IL1RAPL1: variants seen among roughly 807,000 people sequenced by gnomAD.
The protein encoded by IL1RAPL1 is interleukin 1 receptor accessory protein like 1.
In IL1RAPL1, 3 loss-of-function variants were observed where a neutral mutation model predicts 48.4. The ratio of observed to expected loss-of-function variants is 0.06; its 90% CI spans 0.03 to 0.16. The LOEUF is 0.16. Among genes scored for constraint, IL1RAPL1 ranks in the 10% least tolerant of loss-of-function variants. IL1RAPL1 has a pLI of 1.00. For synonymous variants in IL1RAPL1, 185 were observed against 187.7 expected, an observed-to-expected ratio of 0.99 and a Z score of 0.12; for missense variants, 349 against 530.6, an observed-to-expected ratio of 0.66 and a Z score of 3.36.
chrX:29,237,833 G>GGAGGAGAGGTGT (rs1931338041), intron 2 of IL1RAPL1, among the ~76,000 whole-genome samples: 1 of 112,173 alleles, frequency 8.9e-6, no homozygotes, highest in Non-Finnish European at 1.9e-5. Flanking sequence ...GAGTGTGGGA[G>GGAGGAGAGGTGT]GAGGAGAGGT....
At chrX:29,058,113 C>T (rs967008209) in intron 2 of IL1RAPL1, among the ~76,000 whole-genome samples, 1 of 110,969 alleles carries the variant, frequency 9.0e-6, no homozygotes, top group South Asian at 3.8e-4. Context: ...CAGTGGCTCA[C>T]GCTTATAATC....
intron 6 of IL1RAPL1, among the ~76,000 whole-genome samples, chrX:29,786,102 G>T (rs953195340): frequency 9.1e-6 from 1 of 109,969 alleles, no homozygotes; most frequent in Non-Finnish European, 1.9e-5. Context: ...ATAGAAACAG[G>T]AATGAATGGA....
At chrX:28,752,184 T>C (rs1336069291) in intron 1 of IL1RAPL1, among the ~76,000 whole-genome samples, 1 of 111,978 alleles carries the variant, frequency 8.9e-6, no homozygotes, top group Non-Finnish European at 1.9e-5. Flanking sequence ...TAACATTCTC[T>C]CCATTTTCTT....
intron 1 of IL1RAPL1, among the ~76,000 whole-genome samples, chrX:28,677,244 T>C (rs763747246): frequency 1.3e-3 from 140 of 111,883 alleles, no homozygotes; most frequent in Non-Finnish European, 2.4e-3. Context: ...TTTAAAGATC[T>C]TTATGTTTTG....
intron 2 of IL1RAPL1, among the ~76,000 whole-genome samples, chrX:28,801,801 G>A (rs991859895): frequency 8.9e-6 from 1 of 112,107 alleles, no homozygotes; most frequent in African/African-American, 3.2e-5. Flanking sequence ...GAGCCTTGTT[G>A]ATTGGGAACA....
intron 3 of IL1RAPL1, among the ~76,000 whole-genome samples, chrX:29,318,566 G>A (rs1932778701): frequency 8.9e-6 from 1 of 112,359 alleles, no homozygotes; most frequent in Non-Finnish European, 1.9e-5. Context: ...GGTAATCTAA[G>A]CAGACATAGA....
intron 5 of IL1RAPL1, among the ~76,000 whole-genome samples, chrX:29,605,728 T>C (rs1923870970): frequency 1.8e-5 from 2 of 112,380 alleles, no homozygotes; most frequent in Non-Finnish European, 3.8e-5. Context: ...TTATCCTTTT[T>C]ATATAAAGAC....
intron 1 of IL1RAPL1, among the ~76,000 whole-genome samples, chrX:28,621,206 C>T (rs1007042036): frequency 8.9e-6 from 1 of 112,221 alleles, no homozygotes; most frequent in African/African-American, 3.2e-5. Flanking sequence ...CGTAAAAGCT[C>T]GGACACTATC....
At chrX:29,935,717 A>G (rs1301624248) in intron 8 of IL1RAPL1, among the ~76,000 whole-genome samples, 5 of 111,609 alleles carry the variant, frequency 4.5e-5, no homozygotes, top group Admixed American at 9.5e-5. Flanking sequence ...TCATTAACAC[A>G]TAACAATGAA....
At chrX:28,852,912 T>C (rs1317395174) in intron 2 of IL1RAPL1, among the ~76,000 whole-genome samples, 1 of 110,560 alleles carries the variant, frequency 9.0e-6, no homozygotes, top group Non-Finnish European at 1.9e-5. Context: ...GATGTATAAA[T>C]AGCATTTAGC....
chrX:29,641,248 C>T (rs1177606766), intron 5 of IL1RAPL1, among the ~76,000 whole-genome samples: 2 of 112,794 alleles, frequency 1.8e-5, no homozygotes, highest in Admixed American at 9.3e-5. Context: ...AGGTTCAAAC[C>T]ACATCTGTAA....
chrX:29,210,866 A>C lies in IL1RAPL1; in HGVS notation c.83-72072A>C, dbSNP rs143494937. On this transcript the variant is annotated intron_variant, in intron 2 of 10. Transcript: ENST00000378993. ...CTCTGTAGAGAAAGTGTTTTTCTTC[A>C]GCTCTATATGAATACCAGATATTTA... is the stretch of plus-strand genomic sequence containing the variant. Among the ~76,000 whole-genome samples the C allele has an allele frequency of 1.0e-3, 114 of 112,305 alleles. No homozygotes were observed. In the East Asian group the frequency reaches 0.017, roughly 16 times the overall value.
chrX:29,890,272 G>A (rs1163522841), intron 6 of IL1RAPL1, among the ~76,000 whole-genome samples: 1 of 111,629 alleles, frequency 9.0e-6, no homozygotes, highest in African/African-American at 3.3e-5. Context: ...TAACTAAGAG[G>A]GAGGCCATAG....
chrX:29,457,810 C>G (rs999952180), intron 5 of IL1RAPL1, among the ~76,000 whole-genome samples: 1 of 112,484 alleles, frequency 8.9e-6, no homozygotes, highest in African/African-American at 3.2e-5. Context: ...TACATTCCCA[C>G]CAACAGTGTA....
intron 5 of IL1RAPL1, among the ~76,000 whole-genome samples, chrX:29,534,923 T>C (rs1921170968): frequency 1.9e-5 from 2 of 107,675 alleles, no homozygotes; most frequent in Admixed American, 9.9e-5. Flanking sequence ...GAGCCGAGAT[T>C]GTGCCACTGC....
intron 2 of IL1RAPL1, among the ~76,000 whole-genome samples, chrX:29,178,277 A>T (rs1280825093): frequency 2.7e-5 from 3 of 111,812 alleles, no homozygotes; most frequent in Admixed American, 9.5e-5. Flanking sequence ...CTTTTGAATG[A>T]TCACCATTCT....
chrX:29,588,534 G>C (rs1329529649), intron 5 of IL1RAPL1, among the ~76,000 whole-genome samples: 1 of 112,374 alleles, frequency 8.9e-6, no homozygotes, highest in East Asian at 2.8e-4. Flanking sequence ...TCAGTGGTAT[G>C]TGGATGTCAT....
intron 2 of IL1RAPL1, among the ~76,000 whole-genome samples, chrX:29,261,325 C>CA: frequency 9.0e-6 from 1 of 111,076 alleles, no homozygotes; most frequent in Middle Eastern, 4.6e-3. Flanking sequence ...AATTTGTAGG[C>CA]AAAAAATAAT....
At chrX:29,474,916 A>C (rs890646161) in intron 5 of IL1RAPL1, among the ~76,000 whole-genome samples, 1 of 111,506 alleles carries the variant, frequency 9.0e-6, no homozygotes, top group Non-Finnish European at 1.9e-5. Context: ...AGGAGAATAC[A>C]TAGAATTAAC....
Sources: gnomAD v4.1 joint callset for allele counts (sites outside exome capture counted in the v4.1 genomes callset) on GRCh38, gnomAD v4.1.1 for gene constraint, MANE v1.5 for transcripts, NCBI Gene and HGNC (gene_info 2026-07-23, HGNC 2026-07-21) for gene names.